The following MTUS2 variants were observed in gnomAD, a reference collection of about 807,000 sequenced individuals.
MTUS2 encodes microtubule-associated tumor suppressor candidate 2.
A neutral mutation model predicts 114.1 loss-of-function variants in MTUS2; 40 were observed. The ratio of observed to expected loss-of-function variants is 0.35; its 90% CI spans 0.27 to 0.46. The LOEUF (loss-of-function observed/expected upper bound fraction) is 0.46. MTUS2 is among the 20% of genes least tolerant of loss of function. The pLI, the probability that MTUS2 is intolerant of heterozygous loss-of-function variation, is 1.00. For missense variants in MTUS2, 1,679 were observed against 1,705.4 expected, an observed-to-expected ratio of 0.98 and a Z score of 0.27; for synonymous variants, 688 against 672.0, an observed-to-expected ratio of 1.02 and a Z score of -0.37.
At chr13:29,327,576 T>C (rs1283702765) in intron 7 of MTUS2, among the ~76,000 whole-genome samples, 2 of 152,262 alleles carry the variant, frequency 1.3e-5, no homozygotes, top group African/African-American at 2.4e-5. Context: ...TCCATTTTAC[T>C]AGTGCGTAGA....
At chr13:29,016,014 C>T (rs1455523927) in intron 2 of MTUS2, among the ~76,000 whole-genome samples, 1 of 152,064 alleles carries the variant, frequency 6.6e-6, no homozygotes, top group Non-Finnish European at 1.5e-5. Context: ...AAGCAATTCT[C>T]CTACCTCAGC....
chr13:29,240,888 G>A (rs1896705966), intron 5 of MTUS2, among the ~76,000 whole-genome samples: 1 of 152,014 alleles, frequency 6.6e-6, no homozygotes, highest in South Asian at 2.1e-4. Flanking sequence ...ATGTGTAACA[G>A]TTTTATGAAA....
intron 2 of MTUS2, among the ~76,000 whole-genome samples, chr13:29,010,027 TG>T (rs1566289120): frequency 6.6e-6 from 1 of 151,980 alleles, no homozygotes; most frequent in Non-Finnish European, 1.5e-5. Context: ...CTGGCCAATA[TG>T]GTGAAACCCC....
chr13:28,929,507 G>A (rs989830249), intron 2 of MTUS2, among the ~76,000 whole-genome samples: 1 of 152,094 alleles, frequency 6.6e-6, no homozygotes, highest in South Asian at 2.1e-4. Flanking sequence ...CCTGAAACTT[G>A]ATATTTGAGC....
At chr13:29,430,719 A>G (rs774780508) in intron 8 of MTUS2, among the ~76,000 whole-genome samples, 31 of 152,234 alleles carry the variant, frequency 2.0e-4, no homozygotes, top group Non-Finnish European at 4.1e-4. Flanking sequence ...ACTTTGCAGA[A>G]TAACTTCACA....
chr13:29,113,537 C>G (rs1890965281), intron 5 of MTUS2, among the ~76,000 whole-genome samples: 2 of 152,128 alleles, frequency 1.3e-5, no homozygotes, highest in Non-Finnish European at 2.9e-5. Context: ...AGCTAATGAG[C>G]CATTGAAATG....
At chr13:28,907,614 T>G (rs990295215) in intron 2 of MTUS2, among the ~76,000 whole-genome samples, 5 of 151,388 alleles carry the variant, frequency 3.3e-5, no homozygotes, top group Non-Finnish European at 7.4e-5. Flanking sequence ...TAGTCTCGGA[T>G]AAAACAGACT....
At chr13:29,406,189 CTTAGTTA>C in intron 8 of MTUS2, among the ~76,000 whole-genome samples, 1 of 152,194 alleles carries the variant, frequency 6.6e-6, no homozygotes, top group South Asian at 2.1e-4. Context: ...CCTACCCTGT[CTTAGTTA>C]TCTATTGTTG....
intron 2 of MTUS2, among the ~76,000 whole-genome samples, chr13:28,998,106 C>T (rs1885204071): frequency 6.6e-6 from 1 of 151,724 alleles, no homozygotes; most frequent in African/African-American, 2.4e-5. Context: ...AGTCTCTCAG[C>T]ATTTGCTTTG....
intron 2 of MTUS2, among the ~76,000 whole-genome samples, chr13:29,022,820 A>G (rs1285567379): frequency 6.6e-6 from 1 of 152,262 alleles, no homozygotes; most frequent in African/African-American, 2.4e-5. Context: ...CTACTTTAAC[A>G]GAAAAGCATA....
chr13:29,100,853 C>A lies in MTUS2; in HGVS notation c.2527C>A (p.Arg843Ser). 1 of 1,552,796 alleles carries A rather than the reference C, an allele frequency of 6.4e-7. No individual in the cohort carries two copies. The highest frequency in any genetic ancestry group is 8.7e-7 in the Non-Finnish European group (1 of 1,147,602). The change falls in exon 5 of 16, where the codon CGT becomes AGT. Residue 843 changes from arginine to serine, a missense_variant. By Grantham distance (110) the Arg-to-Ser change is moderately radical. Transcript: ENST00000612955. ...KSGLRPPGYS[R>S]LPAAKLAAFG... Reference sequence around the variant, plus strand: ...TGGTCTCCGTCCTCCCGGATACTCACGTCTCCCGGCAGCCAAACTGGCGGC... The same window carrying A: ...TGGTCTCCGTCCTCCCGGATACTCAAGTCTCCCGGCAGCCAAACTGGCGGC...
intron 2 of MTUS2, among the ~76,000 whole-genome samples, chr13:28,899,293 A>G (rs1261449427): frequency 1.3e-5 from 2 of 152,252 alleles, no homozygotes; most frequent in African/African-American, 4.8e-5. Flanking sequence ...GTGAACTGTA[A>G]CCTAAATGAA....
At chr13:29,385,914 G>T (rs2138389552) in intron 8 of MTUS2, among the ~76,000 whole-genome samples, 1 of 152,198 alleles carries the variant, frequency 6.6e-6, no homozygotes, top group East Asian at 1.9e-4. Flanking sequence ...TCTCAAACAG[G>T]GAATCTCATT....
intron 5 of MTUS2, among the ~76,000 whole-genome samples, chr13:29,224,838 G>T (rs916904251): frequency 2.0e-5 from 3 of 152,072 alleles, no homozygotes; most frequent in Admixed American, 2.0e-4. Context: ...AAGTTCTGGG[G>T]CCTCCAATCC....
At chr13:29,060,869 C>T (rs1035775058) in intron 4 of MTUS2, among the ~76,000 whole-genome samples, 21 of 146,354 alleles carry the variant, frequency 1.4e-4, no homozygotes, top group Non-Finnish European at 2.4e-4. Flanking sequence ...GATGTGATCT[C>T]GGCTCACTGC....
chr13:29,161,877 T>C (rs1179819049), intron 5 of MTUS2, among the ~76,000 whole-genome samples: 3 of 152,212 alleles, frequency 2.0e-5, no homozygotes, highest in Non-Finnish European at 4.4e-5. Flanking sequence ...GAATGCCTGC[T>C]CAGTGGCTGA....
At chr13:29,388,998 C>T (rs1003284199) in intron 8 of MTUS2, among the ~76,000 whole-genome samples, 1 of 151,998 alleles carries the variant, frequency 6.6e-6, no homozygotes, top group African/African-American at 2.4e-5. Flanking sequence ...ATGGGCCCAC[C>T]CACATCCATC....
chr13:29,001,564 G>A (rs1593372471), intron 2 of MTUS2, among the ~76,000 whole-genome samples: 1 of 152,296 alleles, frequency 6.6e-6, no homozygotes, highest in East Asian at 1.9e-4. Context: ...GAGGTGGTGG[G>A]AGTGAGCAGA....
intron 5 of MTUS2, among the ~76,000 whole-genome samples, chr13:29,256,234 A>G (rs1394333130): frequency 1.3e-5 from 2 of 152,250 alleles, no homozygotes; most frequent in Non-Finnish European, 2.9e-5. Flanking sequence ...GGTTGGGGCC[A>G]TGAACCAAGG....
Sources: gnomAD v4.1 joint callset for allele counts (sites outside exome capture counted in the v4.1 genomes callset) on GRCh38, gnomAD v4.1.1 for gene constraint, MANE v1.5 for transcripts, NCBI Gene and HGNC (gene_info 2026-07-23, HGNC 2026-07-21) for gene names.